The following SHB variants were observed in gnomAD, a reference collection of about 807,000 sequenced individuals.
The protein encoded by SHB is SH2 domain-containing adapter protein B.
A neutral mutation model predicts 52.3 loss-of-function variants in SHB; 20 were observed. The observed-to-expected ratio is 0.38, with a 90% CI of 0.27 to 0.56. SHB has a LOEUF of 0.56. Among genes scored for constraint, SHB ranks in the 20% least tolerant of loss-of-function variants. The probability of loss-of-function intolerance (pLI) is 0.71; values close to 1 mark genes in which losing one functional copy is unlikely to be tolerated. For missense variants in SHB, 825 were observed against 723.3 expected (o/e 1.14, Z -1.61); for synonymous variants, 397 against 316.5 (o/e 1.25, Z -2.70).
At chr9:38,008,451 G>T (rs1194201535) in intron 2 of SHB, among the ~76,000 whole-genome samples, 1 of 152,234 alleles carries the variant, frequency 6.6e-6, no homozygotes, top group Non-Finnish European at 1.5e-5. Context: ...TGTCCGGTAG[G>T]TAAGTCATTC....
At chr9:37,990,692 GA>G (rs144728731) in intron 2 of SHB, among the ~76,000 whole-genome samples, 458 of 152,316 alleles carry the variant, frequency 3.0e-3, no homozygotes, top group African/African-American at 0.01. Flanking sequence ...CCCACAGGCA[GA>G]AACAACTGCT....
At position 37,974,802 on chromosome 9, in the gene SHB, T is replaced by C; in HGVS notation, c.874A>G (p.Lys292Glu). The C allele has an allele frequency of 6.2e-7, 1 of 1,614,148 alleles. No homozygotes were observed. The highest frequency in any genetic ancestry group is 8.5e-7 in the Non-Finnish European group (1 of 1,180,016). The change falls in exon 3 of 6, where the codon AAA becomes GAA. Residue 292 changes from lysine to glutamate, a missense_variant. Physicochemically the swap from Lys to Glu is moderately conservative, Grantham distance 56. Transcript: ENST00000377707. ...GGGGTGTCATATAACTGGATACCTT[T>C]ATGCTGGGACCGGACACTTTCCTGC... ...QRQESVRSQH[K>E]GIQLYDTPYE...
intron 2 of SHB, among the ~76,000 whole-genome samples, chr9:38,001,638 T>C (rs1821015421): frequency 6.6e-6 from 1 of 152,254 alleles, no homozygotes; most frequent in Non-Finnish European, 1.5e-5. Context: ...CCTGCCTCGC[T>C]GCATGGTGAG....
intron 3 of SHB, among the ~76,000 whole-genome samples, chr9:37,962,778 G>A (rs1039129169): frequency 6.6e-6 from 1 of 151,852 alleles, no homozygotes; most frequent in African/African-American, 2.4e-5. Flanking sequence ...TCCCCCAAAC[G>A]CTGGGATTAT....
chr9:38,022,364 CATT>C (rs1170100651), intron 1 of SHB, among the ~76,000 whole-genome samples: 3 of 152,220 alleles, frequency 2.0e-5, no homozygotes, highest in African/African-American at 4.8e-5. Context: ...ATTCAACACT[CATT>C]ATTCACCTGG....
chr9:37,919,557 T>C lies in SHB; in HGVS notation c.*264A>G. The C allele has an allele frequency of 3.2e-6, 1 of 314,432 alleles. No individual in the cohort carries two copies. The highest frequency in any genetic ancestry group is 5.9e-6 in the Non-Finnish European group (1 of 169,206). The allele number at this position is 314,432 out of a possible 1,614,324, so 19.5% of individuals were successfully genotyped here. On this transcript the variant is annotated 3_prime_UTR_variant, in exon 6 of 6. Transcript: ENST00000377707. Reference sequence around the variant, plus strand: ...CATCCTGGAAGGCATCTCTTTGGATTTGCAAATATTTTAATTCACAGAAAC... The same window carrying C: ...CATCCTGGAAGGCATCTCTTTGGATCTGCAAATATTTTAATTCACAGAAAC...
chr9:37,975,678 T>C (rs915967340), intron 2 of SHB, among the ~76,000 whole-genome samples: 1 of 152,140 alleles, frequency 6.6e-6, no homozygotes, highest in Non-Finnish European at 1.5e-5. Context: ...ACAGGGAAAT[T>C]TTACCTGCTG....
intron 5 of SHB, among the ~76,000 whole-genome samples, chr9:37,933,905 A>C (rs1217174584): frequency 6.6e-6 from 1 of 152,178 alleles, no homozygotes; most frequent in East Asian, 1.9e-4. Flanking sequence ...CTGCCCTGTG[A>C]AGGTCCCTCA....
intron 4 of SHB, among the ~76,000 whole-genome samples, chr9:37,951,633 C>T (rs1051703378): frequency 1.3e-5 from 2 of 152,244 alleles, no homozygotes; most frequent in Non-Finnish European, 2.9e-5. Context: ...TGCCTGCCAT[C>T]CACCCTCCCT....
At chr9:37,955,814 G>C in intron 4 of SHB, 69 bp downstream of exon 4, 1 of 1,448,068 alleles carries the variant, frequency 6.9e-7, no homozygotes, top group Non-Finnish European at 9.6e-7. Context: ...AAAAGAAGAT[G>C]ACATGAAAGA....
intron 1 of SHB, among the ~76,000 whole-genome samples, chr9:38,021,475 T>C (rs1288201329): frequency 1.3e-4 from 20 of 151,240 alleles, no homozygotes; most frequent in Admixed American, 1.3e-3. Flanking sequence ...ACCAAGCCTA[T>C]CCAACATATA....
In SHB at chr9:37,952,569, G is replaced by A. The variant is rs537854126; in HGVS notation, c.1226+3314C>T. The stretch of plus-strand genomic sequence containing the variant: ...CTTACAGACAGTCAGTCAGGTTGGC[G>A]TGAGGAGGGGCCAGAGGAGACAAGT... On this transcript the variant is annotated intron_variant, in intron 4 of 5. Transcript: ENST00000377707. 6.6e-5 allele frequency among the ~76,000 whole-genome samples: 10 copies of A among 152,300 alleles called. No individual in the cohort carries two copies. The East Asian group carries it at 1.5e-3, about 24-fold the overall frequency.
Position 38,068,880 on chromosome 9 carries a change from C to G in SHB, c.-235G>C, listed in dbSNP as rs1290591174. The G allele has an allele frequency of 1.3e-5, 2 of 153,698 alleles. No homozygotes were observed. Among genetic ancestry groups the G allele is most frequent in the Admixed American group, 6.5e-5 (1 of 15,346 alleles). The allele number at this position is 153,698 out of a possible 1,614,324, so 9.5% of individuals were successfully genotyped here. Reference sequence around the variant, plus strand: ...CTAGCGCCGCCCAAGCTAGGAATCTCGCGCCCCTCGTGGGCGCGTCTCATG... The same window carrying G: ...CTAGCGCCGCCCAAGCTAGGAATCTGGCGCCCCTCGTGGGCGCGTCTCATG... On this transcript the variant is annotated 5_prime_UTR_variant, in exon 1 of 6. Coordinates refer to ENST00000377707, the MANE Select transcript of SHB (RefSeq NM_003028.3).
At chr9:38,011,585 G>C (rs1386966552) in intron 2 of SHB, among the ~76,000 whole-genome samples, 1 of 152,098 alleles carries the variant, frequency 6.6e-6, no homozygotes, top group Non-Finnish European at 1.5e-5. Context: ...GGCATCCTGG[G>C]AGCTCAGGGT....
chr9:37,973,693 C>G (rs1247907527), intron 3 of SHB, among the ~76,000 whole-genome samples: 1 of 152,116 alleles, frequency 6.6e-6, no homozygotes. Context: ...CTAGAAAAAC[C>G]AGCCTTTGAG....
intron 2 of SHB, among the ~76,000 whole-genome samples, chr9:38,006,757 G>A (rs1321211095): frequency 6.6e-6 from 1 of 152,202 alleles, no homozygotes. Flanking sequence ...AGTGCCAGCA[G>A]CACGGGGAAA....
chr9:37,999,624 C>CA (rs1820989076), intron 2 of SHB, among the ~76,000 whole-genome samples: 2 of 152,108 alleles, frequency 1.3e-5, no homozygotes, highest in African/African-American at 2.4e-5. Context: ...GGAGGTCTGA[C>CA]AGAGACTGGG....
At chr9:38,000,904 T>C (rs1447682461) in intron 2 of SHB, among the ~76,000 whole-genome samples, 2 of 152,126 alleles carry the variant, frequency 1.3e-5, no homozygotes, top group Admixed American at 6.5e-5. Context: ...TTCGGGAAAG[T>C]CCCTTAGCCT....
intron 1 of SHB, among the ~76,000 whole-genome samples, chr9:38,035,714 T>C (rs562702761): frequency 2.6e-4 from 40 of 152,140 alleles, no homozygotes; most frequent in African/African-American, 8.4e-4. Context: ...CTCCTGTAAA[T>C]TACCATATAG....
Sources: gnomAD v4.1 joint callset for allele counts (sites outside exome capture counted in the v4.1 genomes callset) on GRCh38, gnomAD v4.1.1 for gene constraint, MANE v1.5 for transcripts, NCBI Gene and HGNC (gene_info 2026-07-23, HGNC 2026-07-21) for gene names.